Variants in KCNB2 observed in about 807,000 individuals in gnomAD.
KCNB2 encodes delayed rectifier potassium channel protein.
Under a neutral mutation model 61.5 loss-of-function variants are expected in KCNB2, and 15 were observed. The observed-to-expected ratio is 0.24, with a 90% CI of 0.16 to 0.38. The LOEUF is 0.38. Ranked by LOEUF, KCNB2 falls within the 10% of genes least tolerant of loss-of-function variation. The pLI is 1.00. For missense variants in KCNB2, 828 were observed against 1,125.2 expected (o/e 0.74, Z 3.78); for synonymous variants, 457 against 446.0 (o/e 1.02, Z -0.31).
chr8:72,897,071 G>T (rs764701797), intron 2 of KCNB2, among the ~76,000 whole-genome samples: 7 of 151,962 alleles, frequency 4.6e-5, no homozygotes, highest in Non-Finnish European at 7.4e-5. Flanking sequence ...AATTCCAGAT[G>T]GAACTTTTTT....
intron 2 of KCNB2, among the ~76,000 whole-genome samples, chr8:72,769,998 C>T (rs1028351314): frequency 2.8e-4 from 43 of 152,254 alleles, no homozygotes; most frequent in African/African-American, 1.0e-3. Flanking sequence ...AAACCAAAGC[C>T]TGGGGAAGAT....
At chr8:72,694,175 T>C (rs1232055100) in intron 2 of KCNB2, among the ~76,000 whole-genome samples, 1 of 152,230 alleles carries the variant, frequency 6.6e-6, no homozygotes, top group Non-Finnish European at 1.5e-5. Flanking sequence ...TGTTTATTCT[T>C]CAAAGGTTAT....
intron 2 of KCNB2, among the ~76,000 whole-genome samples, chr8:72,903,557 G>T (rs536961305): frequency 6.6e-6 from 1 of 152,056 alleles, no homozygotes; most frequent in African/African-American, 2.4e-5. Flanking sequence ...CCCCAGCCTG[G>T]GTGACAGAGT....
rs61036034 is a variant in KCNB2, at chr8:72,539,741, G to A, written c.-94+1856G>A. Among the ~76,000 whole-genome samples, 369 of 152,162 alleles carry A rather than the reference G, an allele frequency of 2.4e-3. 1 individual carries two copies. Among genetic ancestry groups the A allele is most frequent in the African/African-American group, 8.5e-3 (351 of 41,512 alleles). ...AATAGAATCAATCCATGCATCCGTT[G>A]AAACTATTTTGCATTTCACTGTTCT... On this transcript the variant is annotated intron_variant, in intron 1 of 2. Transcript: ENST00000523207.
chr8:72,676,173 A>G lies in KCNB2; in HGVS notation c.579+107860A>G, dbSNP rs924483644. Among the ~76,000 whole-genome samples the G allele has an allele frequency of 2.6e-5, 4 of 152,186 alleles. No homozygotes were observed. In the East Asian group the frequency reaches 5.8e-4, roughly 22 times the overall value. On this transcript the variant is annotated intron_variant, in intron 2 of 2. Coordinates refer to ENST00000523207, the MANE Select transcript of KCNB2 (RefSeq NM_004770.3). ...TAGAGGTGCAAATTTTGAGGAAATG[A>G]CAATATTTCTTTTGTCAAGGTCTCC...
At chr8:72,756,438 A>G (rs190389926) in intron 2 of KCNB2, among the ~76,000 whole-genome samples, 2 of 152,320 alleles carry the variant, frequency 1.3e-5, no homozygotes, top group East Asian at 3.9e-4. Flanking sequence ...TGATTGGAAC[A>G]ACAGTTTAGA....
At chr8:72,926,230 C>A (rs933848332) in intron 2 of KCNB2, among the ~76,000 whole-genome samples, 1 of 151,872 alleles carries the variant, frequency 6.6e-6, no homozygotes, top group Non-Finnish European at 1.5e-5. Context: ...TGCACATGTA[C>A]CCAACAACTT....
chr8:72,935,562 A>C (rs1191595297), intron 2 of KCNB2, among the ~76,000 whole-genome samples: 2 of 152,184 alleles, frequency 1.3e-5, no homozygotes, highest in Non-Finnish European at 2.9e-5. Flanking sequence ...ATGGCATGTA[A>C]GACAATTCCT....
At chr8:72,556,322 AT>A (rs56170986) in intron 1 of KCNB2, among the ~76,000 whole-genome samples, 4,199 of 152,128 alleles carry the variant, frequency 0.028, 81 homozygotes, top group Middle Eastern at 0.048. Context: ...ACCATTAATT[AT>A]TTATTATTGT....
intron 2 of KCNB2, among the ~76,000 whole-genome samples, chr8:72,623,681 A>C (rs892399207): frequency 6.6e-6 from 1 of 152,172 alleles, no homozygotes; most frequent in Non-Finnish European, 1.5e-5. Context: ...AAGATAACTC[A>C]TTTGTCACAT....
At chr8:72,674,574 C>T (rs921462559) in intron 2 of KCNB2, among the ~76,000 whole-genome samples, 11 of 152,152 alleles carry the variant, frequency 7.2e-5, no homozygotes, top group African/African-American at 2.2e-4. Flanking sequence ...TAAATATCAT[C>T]GTGATAAAGA....
At chr8:72,772,379 A>G in intron 2 of KCNB2, among the ~76,000 whole-genome samples, 1 of 152,148 alleles carries the variant, frequency 6.6e-6, no homozygotes, top group East Asian at 1.9e-4. Context: ...TGACAATCAA[A>G]TTGTCTCCAA....
chr8:72,916,531 T>A (rs1164226487), intron 2 of KCNB2, among the ~76,000 whole-genome samples: 2 of 151,956 alleles, frequency 1.3e-5, no homozygotes, highest in Non-Finnish European at 2.9e-5. Flanking sequence ...CCAGAAGGAG[T>A]GCTACAGTGC....
chr8:72,701,183 C>T (rs971012136), intron 2 of KCNB2, among the ~76,000 whole-genome samples: 2 of 152,022 alleles, frequency 1.3e-5, no homozygotes, highest in African/African-American at 4.8e-5. Context: ...ACACAGTATA[C>T]CCATGAAATA....
intron 2 of KCNB2, among the ~76,000 whole-genome samples, chr8:72,735,104 T>C (rs1236798215): frequency 2.0e-5 from 3 of 152,150 alleles, no homozygotes; most frequent in Non-Finnish European, 4.4e-5. Context: ...CCATGATTCA[T>C]AGTCAAATTA....
intron 2 of KCNB2, among the ~76,000 whole-genome samples, chr8:72,594,824 G>A (rs1472792059): frequency 1.3e-5 from 2 of 152,158 alleles, no homozygotes; most frequent in Non-Finnish European, 2.9e-5. Flanking sequence ...CCATTTTAAA[G>A]CATTTGAATA....
At chr8:72,708,494 T>C (rs1713157020) in intron 2 of KCNB2, among the ~76,000 whole-genome samples, 1 of 152,232 alleles carries the variant, frequency 6.6e-6, no homozygotes, top group Admixed American at 6.5e-5. Flanking sequence ...TTTCAGAGAA[T>C]GCCATCTTCT....
At chr8:72,649,430 C>T (rs982630508) in intron 2 of KCNB2, among the ~76,000 whole-genome samples, 2 of 152,048 alleles carry the variant, frequency 1.3e-5, no homozygotes, top group Non-Finnish European at 2.9e-5. Context: ...CAACAATAGA[C>T]ACTGGAGACT....
rs1806945620 is a variant in KCNB2 at position 72,937,535 on chromosome 8, C to A, written c.2180C>A (p.Pro727Gln). ...TTTAAGGAAAATAGAGGCAGTGCAC[C>A]ACAGACCCCGCCCAGCACAGCCAGG... ...VNFKENRGSAPQTPPSTARPL... is the reference protein window; with the variant it reads ...VNFKENRGSAQQTPPSTARPL... The change falls in exon 3 of 3, where the codon CCA (proline) becomes CAA (glutamine). Residue 727 changes from proline (P) to glutamine (Q), a missense_variant. By Grantham distance (76) the Pro-to-Gln change is moderately conservative. Transcript: ENST00000523207. 4 of 1,613,808 alleles carry A rather than the reference C, an allele frequency of 2.5e-6. No individual in the cohort carries two copies. Among genetic ancestry groups the A allele is most frequent in the Non-Finnish European group, 3.4e-6 (4 of 1,179,924 alleles).
Sources: allele counts gnomAD v4.1 joint callset (sites outside exome capture counted in the v4.1 genomes callset), GRCh38; gene constraint gnomAD v4.1.1; transcripts MANE v1.5; gene names NCBI Gene and HGNC (gene_info 2026-07-23, HGNC 2026-07-21).